The following EIF3C variants were observed in gnomAD, a reference collection of about 807,000 sequenced individuals.
EIF3C encodes eukaryotic translation initiation factor 3 subunit C, also known as cell migration-inducing protein 17.
Under a neutral mutation model 11.1 loss-of-function variants are expected in EIF3C, and 2 were observed. The observed-to-expected ratio is 0.18, with a 90% confidence interval of 0.07 to 0.57. The LOEUF is 0.57. Among genes scored for constraint, EIF3C ranks in the 20% least tolerant of loss-of-function variants. The pLI is 0.92. For synonymous variants in EIF3C, 2 were observed against 41.5 expected (o/e 0.05, Z 3.66); for missense variants, 16 against 114.6 (o/e 0.14, Z 3.93).
At position 28,698,649 on chromosome 16, in the gene EIF3C, G is replaced by C. The variant is rs370902274; in HGVS notation, c.-31+9821G>C. ...TCACTTCCCAGATGGGGTGGCTGCC[G>C]GGCGGAGAGGCTCCTCACTTCTCAG... is the stretch of plus-strand genomic sequence containing the variant. On this transcript the variant is annotated intron_variant, in intron 1 of 20. Transcript: ENST00000566501. Among the ~76,000 whole-genome samples, 4 of 81,876 alleles carry C rather than the reference G, an allele frequency of 4.9e-5. 1 individual carries two copies. The highest frequency in any genetic ancestry group is 2.1e-5 in the Non-Finnish European group (1 of 47,732). 53.7% of individuals were successfully genotyped at this position (81,876 alleles called of 152,430 possible).
At chr16:28,699,647 G>A (rs1285276190) in intron 1 of EIF3C, among the ~76,000 whole-genome samples, 1 of 89,618 alleles carries the variant, frequency 1.1e-5, no homozygotes, top group Admixed American at 1.1e-4. Flanking sequence ...AGGTTCAAGT[G>A]ATTCTCCTGC....
chr16:28,728,574 GC>G (rs1462257213), intron 15 of EIF3C, among the ~76,000 whole-genome samples: 2 of 110,320 alleles, frequency 1.8e-5, no homozygotes, highest in African/African-American at 6.6e-5. Context: ...TCGCTCTGTT[GC>G]CCAGGCTGGA....
intron 15 of EIF3C, among the ~76,000 whole-genome samples, chr16:28,729,899 G>A (rs1596717469): frequency 6.6e-6 from 1 of 150,518 alleles, no homozygotes; most frequent in South Asian, 2.1e-4. Flanking sequence ...GGTCGAGGCT[G>A]CAGGAGCCAC....
chr16:28,700,769 C>A (rs1279508458), intron 1 of EIF3C: 1 of 107,180 alleles, frequency 9.3e-6, no homozygotes, highest in Non-Finnish European at 1.7e-5. Context: ...AACTGCGTGA[C>A]AATTGCCTAG....
In EIF3C at chr16:28,712,976, C is replaced by T. The variant is rs991480365; in HGVS notation, c.102-725C>T. Among the ~76,000 whole-genome samples, 4 of 148,816 alleles carry T rather than the reference C, an allele frequency of 2.7e-5. 1 individual carries two copies. Among genetic ancestry groups the T allele is most frequent in the African/African-American group, 7.5e-5 (3 of 40,178 alleles). On this transcript the variant is annotated intron_variant, in intron 2 of 20. Coordinates refer to ENST00000331666, the MANE Select transcript of EIF3C (RefSeq NM_003752.5). ...TTGCGCCATTGCACTCCAGCCTGGGCGATAAAAGCAAAACTCCACCTCAAA... is the reference window on the plus strand; with the variant it reads ...TTGCGCCATTGCACTCCAGCCTGGGTGATAAAAGCAAAACTCCACCTCAAA...
intron 15 of EIF3C, among the ~76,000 whole-genome samples, chr16:28,729,642 CTT>C (rs2048419787): frequency 9.1e-6 from 1 of 110,442 alleles, no homozygotes; most frequent in Admixed American, 9.3e-5. Context: ...GCTTTGGTGT[CTT>C]TGTGGAAAAC....
At chr16:28,692,026 G>C (rs1418257374) in intron 1 of EIF3C, among the ~76,000 whole-genome samples, 1 of 96,820 alleles carries the variant, frequency 1.0e-5, no homozygotes, top group African/African-American at 4.6e-5. Flanking sequence ...CATGTTGCCC[G>C]GGCTGGTCTT....
chr16:28,698,180 C>T (rs1216351559), intron 1 of EIF3C, among the ~76,000 whole-genome samples: 1 of 114,272 alleles, frequency 8.8e-6, no homozygotes, highest in African/African-American at 3.5e-5. Context: ...CAGAGGGGCT[C>T]CTCACTTCCC....
chr16:28,696,303 C>A (rs1390694954), intron 1 of EIF3C, among the ~76,000 whole-genome samples: 3 of 51,392 alleles, frequency 5.8e-5, no homozygotes, highest in Non-Finnish European at 1.0e-4. Context: ...GAGGCAGAGG[C>A]TTCAGTGAGC....
intron 1 of EIF3C, among the ~76,000 whole-genome samples, chr16:28,698,410 G>T (rs1178076894): frequency 1.6e-3 from 152 of 92,806 alleles, no homozygotes; most frequent in African/African-American, 0.01. Context: ...CTCCCGGACG[G>T]CATGGCTGGC....
intron 15 of EIF3C, chr16:28,727,623 C>G (rs1334617146): frequency 4.7e-6 from 1 of 211,564 alleles, no homozygotes; most frequent in Non-Finnish European, 9.8e-6. Context: ...ACCTGGTGAA[C>G]CTGTCTGGGG....
rs28757345 is a variant in EIF3C, at chr16:28,696,281, C to T, written c.-31+7453C>T. 5.2e-5 allele frequency among the ~76,000 whole-genome samples: 3 copies of T among 57,512 alleles called. 1 individual carries two copies. The highest frequency in any genetic ancestry group is 9.2e-5 in the Non-Finnish European group (3 of 32,440). The allele number at this position is 57,512 out of a possible 152,430, so 37.7% of individuals were successfully genotyped here. A position where few individuals can be genotyped will look rare whatever the true frequency, so the allele number is the denominator to read the frequency against. ...CTCAGGATGCTGAGGCAGGAGAATC[C>T]CTTGAACCTGGGAGGCAGAGGCTTC... On this transcript the variant is annotated intron_variant, in intron 1 of 20. Transcript: ENST00000566501.
At chr16:28,718,611 A>T in intron 8 of EIF3C, among the ~76,000 whole-genome samples, 1 of 59,984 alleles carries the variant, frequency 1.7e-5, no homozygotes, top group Non-Finnish European at 2.7e-5. Context: ...GCACTTGTTT[A>T]AAGTTTTTTT....
Position 28,696,993 on chromosome 16 carries a change from T to A in EIF3C, c.-31+8165T>A, listed in dbSNP as rs1211991290. Among the ~76,000 whole-genome samples the A allele has an allele frequency of 6.2e-4, 22 of 35,586 alleles. 5 individuals are homozygous for A. The Admixed American group carries it at 6.3e-3, about 10-fold the overall frequency. 23.3% of individuals were successfully genotyped at this position (35,586 alleles called of 152,430 possible). ...TTTTTTTTTTTTTTGAGACAGAGTC[T>A]CACTCCTGTTGCCCAGTCTAGAGCG... is the stretch of plus-strand genomic sequence containing the variant. On this transcript the variant is annotated intron_variant, in intron 1 of 20. Transcript: ENST00000566501.
chr16:28,700,591 T>A lies in EIF3C; in HGVS notation c.-30-11066T>A, dbSNP rs1352346768. The A allele has an allele frequency of 5.2e-5, 14 of 267,090 alleles. 2 individuals are homozygous for A. 16.5% of individuals were successfully genotyped at this position (267,090 alleles called of 1,614,324 possible). On this transcript the variant is annotated intron_variant, in intron 1 of 20. Coordinates refer to the EIF3C transcript ENST00000566501. The stretch of plus-strand genomic sequence containing the variant: ...CTCCTCCTAGTACTCCTGCTCCACC[T>A]GCTTTCTAGACGCGCAGCTTGGCGC...
intron 15 of EIF3C, among the ~76,000 whole-genome samples, chr16:28,729,844 C>A (rs1264052884): frequency 6.7e-6 from 1 of 149,822 alleles, no homozygotes; most frequent in South Asian, 2.1e-4. Flanking sequence ...CCTGTAGTCC[C>A]ACCTACTCAG....
At chr16:28,712,817 G>A (rs2048314874) in intron 2 of EIF3C, among the ~76,000 whole-genome samples, 1 of 150,126 alleles carries the variant, frequency 6.7e-6, no homozygotes, top group Non-Finnish European at 1.5e-5. Flanking sequence ...GGCCAATAAG[G>A]TGAAACCCCG....
In EIF3C at chr16:28,689,013, C is replaced by T. The variant is rs1356931645; in HGVS notation, c.-31+185C>T. ...GCAACCTCTGCTTCCCGGGTTCAAG[C>T]GATTCTCCTGCCTCAGCCTCCCAGG... On this transcript the variant is annotated intron_variant, in intron 1 of 20. Coordinates refer to the EIF3C transcript ENST00000566501. 2.0e-4 allele frequency among the ~76,000 whole-genome samples: 8 copies of T among 39,956 alleles called. 4 individuals are homozygous for T. The highest frequency in any genetic ancestry group is 3.4e-4 in the Non-Finnish European group (8 of 23,846). The allele number at this position is 39,956 out of a possible 152,430, so 26.2% of individuals were successfully genotyped here. A position where few individuals can be genotyped will look rare whatever the true frequency, so the allele number is the denominator to read the frequency against.
At chr16:28,692,728 C>CA (rs1213493210) in intron 1 of EIF3C, among the ~76,000 whole-genome samples, 3 of 138,834 alleles carry the variant, frequency 2.2e-5, no homozygotes, top group African/African-American at 5.6e-5. Flanking sequence ...CCACTGCACT[C>CA]TAGTCTGGGC....
Sources: allele counts gnomAD v4.1 joint callset (sites outside exome capture counted in the v4.1 genomes callset), GRCh38; gene constraint gnomAD v4.1.1; transcripts MANE v1.5; gene names NCBI Gene and HGNC (gene_info 2026-07-23, HGNC 2026-07-21).